Variants in RNLS observed in about 807,000 individuals in gnomAD.
The protein encoded by RNLS is renalase.
A neutral mutation model predicts 39.8 loss-of-function variants in RNLS; 39 were observed. The observed-to-expected ratio is 0.98, with a 90% CI of 0.76 to 1.28. RNLS has a LOEUF of 1.28. Ranked by LOEUF, RNLS falls within the 50% of genes most tolerant of loss-of-function variation. The pLI is 0.00. For synonymous variants in RNLS, 147 were observed against 150.7 expected (o/e 0.98, Z 0.18); for missense variants, 410 against 413.3 (o/e 0.99, Z 0.07).
At chr10:88,559,236 C>T (rs1849038325) in intron 4 of RNLS, among the ~76,000 whole-genome samples, 1 of 152,078 alleles carries the variant, frequency 6.6e-6, no homozygotes, top group Non-Finnish European at 1.5e-5. Flanking sequence ...ATAACTTATT[C>T]ATGTTTTACG....
chr10:88,439,080 C>T (rs1395364564), intron 4 of RNLS, among the ~76,000 whole-genome samples: 1 of 152,162 alleles, frequency 6.6e-6, no homozygotes, highest in Non-Finnish European at 1.5e-5. Flanking sequence ...AGTAGTTTTG[C>T]TCCCTATTAC....
intron 4 of RNLS, among the ~76,000 whole-genome samples, chr10:88,456,919 T>C (rs532788229): frequency 6.6e-6 from 1 of 152,200 alleles, no homozygotes; most frequent in East Asian, 1.9e-4. Context: ...TTGCACAATA[T>C]CAGTGGCTTT....
chr10:88,537,842 T>C (rs1351797271), intron 4 of RNLS, among the ~76,000 whole-genome samples: 2 of 152,182 alleles, frequency 1.3e-5, no homozygotes, highest in South Asian at 2.1e-4. Context: ...GTACTTAATA[T>C]GGTTGTGCTT....
chr10:88,533,193 G>A (rs1309089876), intron 4 of RNLS, among the ~76,000 whole-genome samples: 2 of 152,186 alleles, frequency 1.3e-5, no homozygotes, highest in South Asian at 2.1e-4. Context: ...TAGAGTGCCA[G>A]TCAATTCTCT....
At chr10:88,274,107 C>T (rs1350146916) in exon 7 of RNLS, 2 of 152,134 alleles carry the variant, frequency 1.3e-5, no homozygotes, top group African/African-American at 4.8e-5. Flanking sequence ...GAGAGAGGGG[C>T]CTCACACTTC....
chr10:88,334,835 T>TA (rs557652251), intron 5 of RNLS, among the ~76,000 whole-genome samples: 15 of 151,264 alleles, frequency 9.9e-5, no homozygotes, highest in East Asian at 9.7e-4. Flanking sequence ...TTCAATCTCT[T>TA]AAAAAAAAAT....
chr10:88,337,832 C>T (rs556685371), intron 5 of RNLS, among the ~76,000 whole-genome samples: 3 of 152,086 alleles, frequency 2.0e-5, no homozygotes, highest in Admixed American at 2.0e-4. Context: ...GTGTGTGAAG[C>T]CTTTAGTACT....
At chr10:88,246,736 T>C in the RNLS span, among the ~76,000 whole-genome samples, 7 of 152,190 alleles carry the variant, frequency 4.6e-5, no homozygotes, top group Non-Finnish European at 8.8e-5. Flanking sequence ...ATCACAGCTT[T>C]AACCATTCCT....
chr10:88,275,668 TG>T lies in RNLS; in HGVS notation c.877-637del, dbSNP rs1842787669. On this transcript the variant is annotated intron_variant, in intron 6 of 6. Coordinates refer to the RNLS transcript ENST00000371947. ...AAAGTTCTAAATACATACAATATGC[TG>T]TAAAATTAAAAACGCACAGAACATT... Among the ~76,000 whole-genome samples the T allele has an allele frequency of 2.0e-5, 3 of 152,188 alleles. 1 individual carries two copies. Among genetic ancestry groups the T allele is most frequent in the Non-Finnish European group, 2.9e-5 (2 of 68,032 alleles).
At chr10:88,526,986 C>T (rs1847141088) in intron 4 of RNLS, among the ~76,000 whole-genome samples, 1 of 151,866 alleles carries the variant, frequency 6.6e-6, no homozygotes, top group Admixed American at 6.6e-5. Flanking sequence ...AAAAAGAGGG[C>T]AGTTAAGTAC....
At chr10:88,199,521 C>T in the RNLS span, among the ~76,000 whole-genome samples, 1 of 152,110 alleles carries the variant, frequency 6.6e-6, no homozygotes, top group Non-Finnish European at 1.5e-5. Flanking sequence ...TGCATCCCAC[C>T]CCATGATGGT....
chr10:88,487,287 A>C (rs1844587225), intron 4 of RNLS, among the ~76,000 whole-genome samples: 1 of 152,148 alleles, frequency 6.6e-6, no homozygotes, highest in Non-Finnish European at 1.5e-5. Flanking sequence ...AATAACCTGT[A>C]CAATAAACCG....
rs199960560 is a variant in RNLS at position 88,582,211 on chromosome 10, T to A, written c.215A>T (p.Lys72Ile). The A allele has an allele frequency of 6.8e-5, 110 of 1,613,332 alleles. No homozygotes were observed. In the Middle Eastern group the frequency reaches 9.9e-4, roughly 15 times the overall value. Reference sequence around the variant, plus strand: ...CTTGCAACTAACTCACCGTTGGTGTTTTTTGGCATAATGAGGAGTGCAGGT... The same window carrying A: ...CTTGCAACTAACTCACCGTTGGTGTATTTTGGCATAATGAGGAGTGCAGGT... ...YITCTPHYAK[K>I]HQRFYDELLA... Residue 72 changes from lysine (K) to isoleucine (I), a missense_variant, in exon 2 of 7, where the codon AAA becomes ATA. By Grantham distance (102) the Lys-to-Ile change is moderately radical. Coordinates refer to ENST00000331772, the MANE Select transcript of RNLS (RefSeq NM_001031709.3).
At chr10:88,243,022 A>G in the RNLS span, among the ~76,000 whole-genome samples, 4 of 152,328 alleles carry the variant, frequency 2.6e-5, no homozygotes, top group African/African-American at 9.6e-5. Flanking sequence ...CCAGCTCCAC[A>G]GTTAGACTTC....
At chr10:88,449,814 T>C (rs1842265243) in intron 4 of RNLS, among the ~76,000 whole-genome samples, 1 of 152,160 alleles carries the variant, frequency 6.6e-6, no homozygotes, top group Admixed American at 6.5e-5. Flanking sequence ...AATATATTGT[T>C]CCTTTTATTA....
At chr10:88,485,570 G>C (rs146053492) in intron 4 of RNLS, among the ~76,000 whole-genome samples, 1 of 147,120 alleles carries the variant, frequency 6.8e-6, no homozygotes, top group East Asian at 2.0e-4. Context: ...CTCCAATATT[G>C]CCATACCAGA....
intron 5 of RNLS, among the ~76,000 whole-genome samples, chr10:88,328,118 G>A (rs530926119): frequency 6.6e-6 from 1 of 152,294 alleles, no homozygotes; most frequent in African/African-American, 2.4e-5. Flanking sequence ...ATGTTGGCCA[G>A]GCTGGTCTCA....
At chr10:88,472,225 G>A (rs374913758) in intron 4 of RNLS, among the ~76,000 whole-genome samples, 12 of 152,298 alleles carry the variant, frequency 7.9e-5, no homozygotes, top group African/African-American at 2.9e-4. Flanking sequence ...AGAAGGAGGT[G>A]TATAAAGCAC....
the RNLS span, among the ~76,000 whole-genome samples, chr10:88,210,491 G>C: frequency 1.3e-5 from 2 of 152,182 alleles, no homozygotes; most frequent in African/African-American, 4.8e-5. Context: ...ATTCAGAGAC[G>C]ACTCATGGCA....
Sources: gnomAD v4.1 joint callset for allele counts (sites outside exome capture counted in the v4.1 genomes callset) on GRCh38, gnomAD v4.1.1 for gene constraint, MANE v1.5 for transcripts, NCBI Gene and HGNC (gene_info 2026-07-23, HGNC 2026-07-21) for gene names.